Variants in SEMA3C observed in about 807,000 individuals in gnomAD.
The protein encoded by SEMA3C is semaphorin-3C.
SEMA3C carries 47 observed loss-of-function variants against 89.4 expected under a neutral mutation model. That is an observed-to-expected ratio of 0.53 (90% confidence interval 0.42 to 0.67). SEMA3C has a LOEUF of 0.67. Ranked by LOEUF, SEMA3C falls within the 30% of genes least tolerant of loss-of-function variation. The pLI is 0.00. For synonymous variants in SEMA3C, 310 were observed against 320.2 expected (o/e 0.97, Z 0.34); for missense variants, 839 against 929.1 (o/e 0.90, Z 1.26).
intron 12 of SEMA3C, among the ~76,000 whole-genome samples, chr7:80,787,941 A>C (rs1788842136): frequency 6.6e-6 from 1 of 152,208 alleles, no homozygotes; most frequent in South Asian, 2.1e-4. Flanking sequence ...TAGGATGCCA[A>C]AAAGGATAAC....
intron 2 of SEMA3C, among the ~76,000 whole-genome samples, chr7:80,907,092 A>G (rs755536622): frequency 1.2e-4 from 18 of 152,184 alleles, no homozygotes; most frequent in Non-Finnish European, 2.5e-4. Context: ...TTAGATTTTT[A>G]CACAAAAGTT....
intron 6 of SEMA3C, among the ~76,000 whole-genome samples, chr7:80,808,874 A>G (rs2115705584): frequency 6.6e-6 from 1 of 152,238 alleles, no homozygotes; most frequent in East Asian, 1.9e-4. Context: ...TCCCAGGTTC[A>G]AGTGATTCTC....
At chr7:80,811,106 A>T (rs1030002815) in intron 5 of SEMA3C, among the ~76,000 whole-genome samples, 1 of 152,336 alleles carries the variant, frequency 6.6e-6, no homozygotes, top group Non-Finnish European at 1.5e-5. Flanking sequence ...AGATTTTTTT[A>T]AAAATAGCAT....
In SEMA3C at chr7:80,745,036, A is replaced by G. The variant is rs1787768060; in HGVS notation, c.2114T>C (p.Ile705Thr). 6.2e-7 allele frequency: 1 copy of G among 1,614,048 alleles called. No individual in the cohort carries two copies. Among genetic ancestry groups the G allele is most frequent in the Admixed American group, 1.7e-5 (1 of 59,990 alleles). Residue 705 changes from isoleucine (I) to threonine (T), a missense_variant, in exon 18 of 18, where the codon ATT becomes ACT. Transcript: ENST00000265361. Reference protein sequence around the residue: ...GAFSHSEMQMINQYCKDTRQQ... With the variant: ...GAFSHSEMQMTNQYCKDTRQQ... Reference sequence around the variant, plus strand: ...CCGAGTGTCTTTGCAATATTGGTTAATCATCTGCATTTCTGAGTGGCTGAA... The same window carrying G: ...CCGAGTGTCTTTGCAATATTGGTTAGTCATCTGCATTTCTGAGTGGCTGAA...
chr7:80,761,492 A>G, intron 14 of SEMA3C, 124 bp downstream of exon 14: 1 of 537,914 alleles, frequency 1.9e-6, no homozygotes, highest in South Asian at 2.3e-5. Context: ...TTTGCGGTAT[A>G]CTTTAAGTAG....
At chr7:80,811,758 G>C (rs558187138) in intron 5 of SEMA3C, among the ~76,000 whole-genome samples, 1 of 152,218 alleles carries the variant, frequency 6.6e-6, no homozygotes, top group African/African-American at 2.4e-5. Context: ...ATAAAAACAG[G>C]CACTGCATTC....
intron 15 of SEMA3C, among the ~76,000 whole-genome samples, chr7:80,751,994 C>A (rs1266924705): frequency 1.3e-5 from 2 of 152,232 alleles, no homozygotes; most frequent in South Asian, 2.1e-4. Context: ...ACATTAATTT[C>A]TTTCTCTCTC....
chr7:80,765,578 T>C lies in SEMA3C; in HGVS notation c.1355-335A>G, dbSNP rs1788280424. On this transcript the variant is annotated intron_variant, in intron 12 of 17. Transcript: ENST00000265361. ...CATAAGTTTTTTTTGTTTTGTTTTG[T>C]TTTGTTTTGTTTGTTTGAGACAGTG... Among the ~76,000 whole-genome samples the C allele has an allele frequency of 3.5e-5, 4 of 112,920 alleles. No individual in the cohort carries two copies. The Admixed American group carries it at 3.6e-4, about 10-fold the overall frequency. 74.1% of individuals were successfully genotyped at this position (112,920 alleles called of 152,430 possible). A position where few individuals can be genotyped will look rare whatever the true frequency, so the allele number is the denominator to read the frequency against.
At chr7:80,851,504 T>TAAAAAAAAAA (rs35936052) in intron 2 of SEMA3C, among the ~76,000 whole-genome samples, 5 of 69,804 alleles carry the variant, frequency 7.2e-5, no homozygotes, top group Admixed American at 2.3e-4. Context: ...CTCTTGTCTT[T>TAAAAAAAAAA]AAAAAAAAAA....
chr7:80,830,909 A>G lies in SEMA3C; in HGVS notation c.104-2164T>C, dbSNP rs1238564249. 2.6e-5 allele frequency among the ~76,000 whole-genome samples: 4 copies of G among 152,180 alleles called. No individual in the cohort carries two copies. In the East Asian group the frequency reaches 7.7e-4, roughly 29 times the overall value. On this transcript the variant is annotated intron_variant, in intron 2 of 17. Transcript: ENST00000265361. Reference sequence around the variant, plus strand: ...CCAGACTAGAGGTTAGGGCTAATAGAAAAAAATCCAAGAGCTGAGAACATG... The same window carrying G: ...CCAGACTAGAGGTTAGGGCTAATAGGAAAAAATCCAAGAGCTGAGAACATG...
chr7:80,756,493 C>T (rs1005853753), intron 15 of SEMA3C, among the ~76,000 whole-genome samples: 2 of 152,176 alleles, frequency 1.3e-5, no homozygotes, highest in African/African-American at 4.8e-5. Context: ...AACCAGTTAT[C>T]TTTTGAAACC....
chr7:80,876,230 T>G (rs73141832), intron 2 of SEMA3C, among the ~76,000 whole-genome samples: 1 of 152,338 alleles, frequency 6.6e-6, no homozygotes, highest in Non-Finnish European at 1.5e-5. Context: ...TCTTATATTA[T>G]CTGGTTTAGC....
chr7:80,743,383 T>G lies in SEMA3C; in HGVS notation c.*1511A>C, dbSNP rs1329457364. ...TTGACAATGATTTTAGTTTTTGAAG[T>G]TTTAGACTGCAATACTTAAAAAGGC... On this transcript the variant is annotated 3_prime_UTR_variant, in exon 18 of 18. Coordinates refer to ENST00000265361, the MANE Select transcript of SEMA3C (RefSeq NM_006379.5). The G allele has an allele frequency of 6.6e-6, 1 of 151,878 alleles. No individual in the cohort carries two copies. The highest frequency in any genetic ancestry group is 1.5e-5 in the Non-Finnish European group (1 of 67,796). The allele number at this position is 151,878 out of a possible 1,614,324, so 9.4% of individuals were successfully genotyped here.
intron 12 of SEMA3C, among the ~76,000 whole-genome samples, chr7:80,785,625 T>C (rs1788783705): frequency 6.6e-6 from 1 of 152,302 alleles, no homozygotes; most frequent in East Asian, 1.9e-4. Context: ...AGAACTCTCT[T>C]TGGGAGAAAT....
intron 2 of SEMA3C, among the ~76,000 whole-genome samples, chr7:80,871,818 G>T (rs1336856753): frequency 6.6e-6 from 1 of 152,100 alleles, no homozygotes; most frequent in Non-Finnish European, 1.5e-5. Flanking sequence ...GTACCTCAAA[G>T]AACTATTTTT....
intron 2 of SEMA3C, among the ~76,000 whole-genome samples, chr7:80,839,766 A>C (rs1438747842): frequency 6.6e-6 from 1 of 152,010 alleles, no homozygotes; most frequent in Non-Finnish European, 1.5e-5. Context: ...ATGACCTGAC[A>C]TGGTATATCA....
chr7:80,810,768 G>T, intron 5 of SEMA3C, 67 bp from the exon 6 acceptor site: 1 of 1,190,766 alleles, frequency 8.4e-7, no homozygotes, highest in Non-Finnish European at 1.2e-6. Flanking sequence ...TTGTTCATTA[G>T]TAAAACAAAG....
At chr7:80,828,782 C>T (rs1789941544) in intron 2 of SEMA3C, 37 bp from the exon 3 acceptor site, 1 of 1,441,996 alleles carries the variant, frequency 6.9e-7, no homozygotes. Flanking sequence ...GATACAGTAT[C>T]CTGGTTCTAT....
At chr7:80,862,622 G>C (rs1437165918) in intron 2 of SEMA3C, among the ~76,000 whole-genome samples, 5 of 151,976 alleles carry the variant, frequency 3.3e-5, no homozygotes, top group African/African-American at 9.7e-5. Flanking sequence ...TCAAAAAAGA[G>C]CCTGTATAGC....
Sources: gnomAD v4.1 joint callset for allele counts (sites outside exome capture counted in the v4.1 genomes callset) on GRCh38, gnomAD v4.1.1 for gene constraint, MANE v1.5 for transcripts, NCBI Gene and HGNC (gene_info 2026-07-23, HGNC 2026-07-21) for gene names.